The following PRKN variants were observed in gnomAD, a reference collection of about 807,000 sequenced individuals.
PRKN encodes the protein E3 ubiquitin-protein ligase parkin.
Under a neutral mutation model 59.5 loss-of-function variants are expected in PRKN, and 56 were observed. The ratio of observed to expected loss-of-function variants is 0.94; its 90% CI spans 0.76 to 1.18. The LOEUF is 1.18. Among genes scored for constraint, PRKN ranks in the 50% most tolerant of loss-of-function variants. The pLI, the probability that PRKN is intolerant of heterozygous loss-of-function variation, is 0.00. For missense variants in PRKN, 657 were observed against 596.4 expected (o/e 1.10, Z -1.06); for synonymous variants, 250 against 222.1 (o/e 1.13, Z -1.12).
intron 5 of PRKN, among the ~76,000 whole-genome samples, chr6:161,999,605 G>C (rs910370875): frequency 6.6e-6 from 1 of 152,046 alleles, no homozygotes; most frequent in Non-Finnish European, 1.5e-5. Context: ...CACAATGCCC[G>C]AGCCAAGAAG....
intron 4 of PRKN, among the ~76,000 whole-genome samples, chr6:162,083,332 T>C (rs980338720): frequency 2.0e-5 from 3 of 152,092 alleles, no homozygotes; most frequent in Admixed American, 6.6e-5. Context: ...TACTGAGACA[T>C]GAAGTGGGCA....
chr6:162,084,642 T>C (rs1015322484), intron 4 of PRKN, among the ~76,000 whole-genome samples: 2 of 152,148 alleles, frequency 1.3e-5, no homozygotes, highest in African/African-American at 4.8e-5. Flanking sequence ...GAGTTATTTA[T>C]GTTTCTACAA....
intron 7 of PRKN, among the ~76,000 whole-genome samples, chr6:161,762,101 C>T (rs1206707067): frequency 6.6e-6 from 1 of 152,086 alleles, no homozygotes; most frequent in Non-Finnish European, 1.5e-5. Flanking sequence ...CACATGAAGT[C>T]GTGCTCTGGG....
rs1450639042 is a variant in PRKN at position 161,579,808 on chromosome 6, A to T, written c.872-10392T>A. On this transcript the variant is annotated intron_variant, in intron 7 of 11. Coordinates refer to ENST00000366898, the MANE Select transcript of PRKN (RefSeq NM_004562.3). The surrounding 1 kb of genome is among the most constrained non-coding windows in gnomAD (Gnocchi z 4.2). ...TACTTAATGGTATTTTTTGTTTTTGAATTTTGTATTTTAAATTCATTTCAG... is the reference window on the plus strand; with the variant it reads ...TACTTAATGGTATTTTTTGTTTTTGTATTTTGTATTTTAAATTCATTTCAG... 1.3e-5 allele frequency among the ~76,000 whole-genome samples: 2 copies of T among 152,110 alleles called. No homozygotes were observed. The highest frequency in any genetic ancestry group is 2.9e-5 in the Non-Finnish European group (2 of 68,012).
intron 7 of PRKN, among the ~76,000 whole-genome samples, chr6:161,761,880 T>C (rs1175746815): frequency 6.6e-6 from 1 of 152,178 alleles, no homozygotes; most frequent in Non-Finnish European, 1.5e-5. Flanking sequence ...TCAAGAACAA[T>C]TTGTATCTGG....
intron 7 of PRKN, among the ~76,000 whole-genome samples, chr6:161,703,839 C>CTCTT (rs1786363902): frequency 2.3e-4 from 14 of 59,852 alleles, no homozygotes; most frequent in African/African-American, 7.1e-4. Flanking sequence ...CTCTCTCTCT[C>CTCTT]TTTTTTTTTT....
intron 4 of PRKN, among the ~76,000 whole-genome samples, chr6:162,200,849 C>A (rs1784697723): frequency 6.6e-6 from 1 of 152,134 alleles, no homozygotes; most frequent in African/African-American, 2.4e-5. Flanking sequence ...AGAAGCCCAA[C>A]CTCTTTTTGC....
At chr6:162,059,108 C>G (rs1441594009) in intron 4 of PRKN, among the ~76,000 whole-genome samples, 1 of 151,792 alleles carries the variant, frequency 6.6e-6, no homozygotes, top group Admixed American at 6.6e-5. Flanking sequence ...TTTATTTTTT[C>G]ATATTTAAAT....
At chr6:161,752,374 C>CA (rs199897471) in intron 7 of PRKN, among the ~76,000 whole-genome samples, 1,204 of 106,990 alleles carry the variant, frequency 0.011, 16 homozygotes, top group African/African-American at 0.029. Flanking sequence ...CTCAAACAAA[C>CA]AAAAAAACAA....
chr6:161,511,789 T>C (rs967308377), intron 9 of PRKN, among the ~76,000 whole-genome samples: 31 of 151,664 alleles, frequency 2.0e-4, no homozygotes, highest in African/African-American at 7.5e-4. Context: ...GCCAGGTTAC[T>C]GCAGAATGAA....
intron 6 of PRKN, among the ~76,000 whole-genome samples, chr6:161,859,612 A>AAAAAC (rs1793808135): frequency 7.1e-6 from 1 of 141,650 alleles, no homozygotes; most frequent in African/African-American, 2.8e-5. Flanking sequence ...CTCTCTCTCA[A>AAAAAC]AAAAAAAAAA....
intron 5 of PRKN, among the ~76,000 whole-genome samples, chr6:162,023,350 C>T (rs555553645): frequency 1.3e-5 from 2 of 152,298 alleles, no homozygotes; most frequent in South Asian, 2.1e-4. Flanking sequence ...CCAGAAGAAT[C>T]AGATCACACG....
chr6:161,398,857 C>T (rs1483893199), intron 9 of PRKN, among the ~76,000 whole-genome samples: 1 of 152,100 alleles, frequency 6.6e-6, no homozygotes, highest in Non-Finnish European at 1.5e-5. Flanking sequence ...AGGTTACAGA[C>T]AGGAGACAGG....
chr6:162,549,332 A>G (rs1023477047), intron 1 of PRKN, among the ~76,000 whole-genome samples: 7 of 152,148 alleles, frequency 4.6e-5, no homozygotes, highest in African/African-American at 1.7e-4. Flanking sequence ...CAGAAGCCCA[A>G]ACTGACCAAA....
intron 5 of PRKN, among the ~76,000 whole-genome samples, chr6:161,997,457 T>C (rs1781890526): frequency 6.6e-6 from 1 of 152,102 alleles, no homozygotes; most frequent in Non-Finnish European, 1.5e-5. Context: ...TGTGCCTTCC[T>C]ACATGGGGAC....
At chr6:162,184,196 TAATC>T (rs1320848349) in intron 4 of PRKN, among the ~76,000 whole-genome samples, 1 of 152,240 alleles carries the variant, frequency 6.6e-6, no homozygotes, top group Non-Finnish European at 1.5e-5. Context: ...TTTGTCCTTT[TAATC>T]AATCAAATCC....
chr6:162,177,960 T>C (rs1448820242), intron 4 of PRKN, among the ~76,000 whole-genome samples: 1 of 152,108 alleles, frequency 6.6e-6, no homozygotes. Flanking sequence ...AGGAGAACAC[T>C]AGGTGGCATG....
chr6:162,560,853 C>CAAAA (rs60391138), intron 1 of PRKN, among the ~76,000 whole-genome samples: 17,586 of 56,802 alleles, frequency 0.31, 3,334 homozygotes, highest in East Asian at 0.61. Context: ...GAGAGAGAGG[C>CAAAA]AAAAAAAAAA....
rs1188562431 is a variant in PRKN, at chr6:161,548,395, T to C, written c.1083+459A>G. ...ACTTAAAATGATTTTTATGACATAA[T>C]AACATTTCAAGTTTTCCACATTAAC... On this transcript the variant is annotated intron_variant, in intron 9 of 11. Transcript: ENST00000366898. The surrounding 1 kb of genome is among the most constrained non-coding windows in gnomAD (Gnocchi z 4.2). Among the ~76,000 whole-genome samples, 1 of 152,210 alleles carries C rather than the reference T, an allele frequency of 6.6e-6. No individual in the cohort carries two copies. Among genetic ancestry groups the C allele is most frequent in the Non-Finnish European group, 1.5e-5 (1 of 68,036 alleles).
Sources: allele counts gnomAD v4.1 joint callset (sites outside exome capture counted in the v4.1 genomes callset), GRCh38; gene constraint gnomAD v4.1.1; non-coding constraint Gnocchi (gnomAD v3.1); transcripts MANE v1.5; gene names NCBI Gene and HGNC (gene_info 2026-07-23, HGNC 2026-07-21).